Variants in COLEC12 observed in about 807,000 individuals in gnomAD.
COLEC12 encodes collectin-12.
In COLEC12, 33 loss-of-function variants were observed where a neutral mutation model predicts 71.1. That is an observed-to-expected ratio of 0.46 (90% CI 0.35 to 0.62). COLEC12 has a LOEUF of 0.62. Ranked by LOEUF, COLEC12 falls within the 20% of genes least tolerant of loss-of-function variation. COLEC12 has a pLI of 0.00. For missense variants in COLEC12, 765 were observed against 916.1 expected (o/e 0.84, Z 2.13); for synonymous variants, 350 against 353.0 (o/e 0.99, Z 0.10).
chr18:452,063 G>T (rs1916773340), intron 2 of COLEC12, among the ~76,000 whole-genome samples: 1 of 152,170 alleles, frequency 6.6e-6, no homozygotes, highest in Non-Finnish European at 1.5e-5. Flanking sequence ...ACTTGCTCGA[G>T]AAAAAGAATA....
At chr18:478,881 G>C (rs932582441) in intron 2 of COLEC12, among the ~76,000 whole-genome samples, 5 of 129,234 alleles carry the variant, frequency 3.9e-5, no homozygotes, top group African/African-American at 1.6e-4. Flanking sequence ...CATGTCTCCT[G>C]TGAGTCATCC....
chr18:334,222 G>A (rs1028984031), intron 6 of COLEC12: 1 of 152,058 alleles, frequency 6.6e-6, no homozygotes, highest in Non-Finnish European at 1.5e-5. Context: ...TAAAACAAAT[G>A]AGCACTAGAG....
rs1186179790 is a variant in COLEC12 at position 398,569 on chromosome 18, G to A, written c.59-41047C>T. ...CCCTCTGAAGGAAAGAAGCAGCTCT[G>A]TACACTCAGCGGTCCCTGATGCAGG... On this transcript the variant is annotated intron_variant, in intron 2 of 9. Coordinates refer to ENST00000400256, the MANE Select transcript of COLEC12 (RefSeq NM_130386.3). 2.6e-5 allele frequency among the ~76,000 whole-genome samples: 4 copies of A among 152,182 alleles called. No individual in the cohort carries two copies. The South Asian group carries it at 6.2e-4, about 24-fold the overall frequency.
chr18:369,546 C>T (rs1598341719), intron 2 of COLEC12, among the ~76,000 whole-genome samples: 1 of 151,582 alleles, frequency 6.6e-6, no homozygotes, highest in African/African-American at 2.4e-5. Context: ...TGCGCTGCAC[C>T]CACTAACGTG....
Position 334,732 on chromosome 18 carries a change from T to C in COLEC12, c.1816+10A>G. The C allele has an allele frequency of 6.8e-7, 1 of 1,464,342 alleles. No homozygotes were observed. The highest frequency in any genetic ancestry group is 2.7e-5 in the Admixed American group (1 of 36,946). The allele number at this position is 1,464,342 out of a possible 1,614,324, so 90.7% of individuals were successfully genotyped here. The stretch of plus-strand genomic sequence containing the variant: ...CTGTCCCCCTGGCTGGAGGGAGGGC[T>C]TGGACTTACCATTGTCCTCCGGTGC... On this transcript the variant is annotated intron_variant, in intron 6 of 9. Transcript: ENST00000400256.
intron 2 of COLEC12, among the ~76,000 whole-genome samples, chr18:375,538 G>A (rs903747070): frequency 6.6e-6 from 1 of 152,122 alleles, no homozygotes; most frequent in African/African-American, 2.4e-5. Context: ...CCAGGCTGGA[G>A]TGCAGTGGCT....
At chr18:405,440 C>T (rs371333056) in intron 2 of COLEC12, among the ~76,000 whole-genome samples, 2 of 152,176 alleles carry the variant, frequency 1.3e-5, no homozygotes, top group Non-Finnish European at 2.9e-5. Context: ...GTCTGAGACT[C>T]AGGCGGGCAT....
intron 2 of COLEC12, among the ~76,000 whole-genome samples, chr18:477,112 T>C (rs1352847283): frequency 1.3e-5 from 2 of 152,154 alleles, no homozygotes; most frequent in Admixed American, 1.3e-4. Flanking sequence ...GAGACTAAAA[T>C]GCAATAATGA....
chr18:386,793 C>G (rs1041107932), intron 2 of COLEC12, among the ~76,000 whole-genome samples: 5 of 152,162 alleles, frequency 3.3e-5, no homozygotes, highest in African/African-American at 1.2e-4. Flanking sequence ...TCAAATATTC[C>G]TCAAGTATAA....
At chr18:439,910 A>G (rs1439865596) in intron 2 of COLEC12, among the ~76,000 whole-genome samples, 3 of 152,228 alleles carry the variant, frequency 2.0e-5, no homozygotes, top group African/African-American at 7.2e-5. Context: ...TTGCAGCATT[A>G]TTTACAATAG....
intron 9 of COLEC12, among the ~76,000 whole-genome samples, chr18:321,090 T>C (rs999714488): frequency 2.3e-4 from 35 of 152,224 alleles, no homozygotes; most frequent in Admixed American, 6.5e-4. Context: ...GTTTCGCTGT[T>C]GTTTCCCAGG....
intron 1 of COLEC12, among the ~76,000 whole-genome samples, chr18:484,393 C>G (rs889152466): frequency 3.3e-5 from 5 of 152,196 alleles, no homozygotes; most frequent in African/African-American, 9.7e-5. Flanking sequence ...CTCATCTTAA[C>G]CCTCATCCGA....
intron 2 of COLEC12, among the ~76,000 whole-genome samples, chr18:406,291 T>C (rs1329995514): frequency 2.0e-5 from 3 of 151,932 alleles, no homozygotes; most frequent in East Asian, 1.9e-4. Context: ...GGGTGGATCA[T>C]GAGGTCAGGA....
In COLEC12 at chr18:346,323, C is replaced by T. The variant is rs1431422624; in HGVS notation, c.1299G>A (p.Gln433=). Residue 433 remains glutamine (Q), a synonymous_variant, in exon 5 of 10, where the codon CAG becomes CAA. Coordinates refer to ENST00000400256, the MANE Select transcript of COLEC12 (RefSeq NM_130386.3). The surrounding 1 kb of genome is among the most constrained non-coding windows in gnomAD (Gnocchi z 4.0). ...GTAGTATTGTAAAATTCTTGATGAG[C>T]TGACCATGCTTGGAGTCTACTAGCT... ...EMKLVDSKHG[Q]LIKNFTILQG... The T allele has an allele frequency of 6.2e-7, 1 of 1,612,052 alleles. No individual in the cohort carries two copies. The highest frequency in any genetic ancestry group is 8.5e-7 in the Non-Finnish European group (1 of 1,179,156).
At chr18:451,712 A>T (rs4798220) in intron 2 of COLEC12, among the ~76,000 whole-genome samples, 1 of 151,644 alleles carries the variant, frequency 6.6e-6, no homozygotes, top group African/African-American at 2.4e-5. Flanking sequence ...ACGCCACTGC[A>T]CTCCAGCCTG....
At chr18:495,490 C>T (rs1917693732) in intron 1 of COLEC12, among the ~76,000 whole-genome samples, 1 of 152,198 alleles carries the variant, frequency 6.6e-6, no homozygotes, top group Non-Finnish European at 1.5e-5. Context: ...CATCCACATT[C>T]ATTCAATCAG....
intron 1 of COLEC12, among the ~76,000 whole-genome samples, chr18:494,828 A>G (rs975440758): frequency 1.3e-5 from 2 of 152,222 alleles, no homozygotes; most frequent in South Asian, 2.1e-4. Flanking sequence ...AAAACATCCA[A>G]CGTCACAGGC....
chr18:358,354 T>C (rs1337445521), intron 2 of COLEC12, among the ~76,000 whole-genome samples: 2 of 152,204 alleles, frequency 1.3e-5, no homozygotes, highest in African/African-American at 4.8e-5. Context: ...TACATTGTAA[T>C]ATATAATGAA....
intron 2 of COLEC12, among the ~76,000 whole-genome samples, chr18:398,504 C>T (rs896752163): frequency 3.9e-5 from 6 of 152,182 alleles, no homozygotes; most frequent in East Asian, 1.9e-4. Flanking sequence ...TGAAAACAAT[C>T]GGCTCTTTTG....
Sources: allele counts gnomAD v4.1 joint callset (sites outside exome capture counted in the v4.1 genomes callset), GRCh38; gene constraint gnomAD v4.1.1; non-coding constraint Gnocchi (gnomAD v3.1); transcripts MANE v1.5; gene names NCBI Gene and HGNC (gene_info 2026-07-23, HGNC 2026-07-21).